The following CNTN4 variants were observed in gnomAD, a reference collection of about 807,000 sequenced individuals.
CNTN4 encodes the protein contactin 4.
A neutral mutation model predicts 122.5 loss-of-function variants in CNTN4; 77 were observed. The observed-to-expected ratio is 0.63, with a 90% confidence interval of 0.52 to 0.76. CNTN4 has a LOEUF of 0.76. Ranked by LOEUF, CNTN4 falls within the 30% of genes least tolerant of loss-of-function variation. The probability of loss-of-function intolerance (pLI) is 0.00; values close to 1 mark genes in which losing one functional copy is unlikely to be tolerated. For missense variants in CNTN4, 1,256 were observed against 1,259.1 expected, an observed-to-expected ratio of 1.00 and a Z score of 0.04; for synonymous variants, 512 against 447.0, an observed-to-expected ratio of 1.15 and a Z score of -1.83.
intron 3 of CNTN4, among the ~76,000 whole-genome samples, chr3:2,550,512 C>T (rs892774909): frequency 6.6e-6 from 1 of 152,078 alleles, no homozygotes; most frequent in Non-Finnish European, 1.5e-5. Flanking sequence ...GGAGTGCAAA[C>T]TAGTTCAACC....
At chr3:2,645,016 G>A (rs1457187745) in intron 4 of CNTN4, among the ~76,000 whole-genome samples, 3 of 151,796 alleles carry the variant, frequency 2.0e-5, no homozygotes, top group Non-Finnish European at 4.4e-5. Context: ...GTGTGGAGGA[G>A]CATTGCTTGA....
At position 2,895,818 on chromosome 3, in the gene CNTN4, A is replaced by G. The variant is rs527346871; in HGVS notation, c.941-4867A>G. On this transcript the variant is annotated intron_variant, in intron 10 of 24. Coordinates refer to ENST00000418658, the MANE Select transcript of CNTN4 (RefSeq NM_175607.3). ...GGGAGGCCGAGGCGGGCGGATCACA[A>G]GGTCAGGAGATCGAGACCATCCTGG... 4.0e-4 allele frequency among the ~76,000 whole-genome samples: 61 copies of G among 152,306 alleles called. 1 individual carries two copies. In the East Asian group the frequency reaches 0.01, roughly 26 times the overall value.
At chr3:2,997,368 C>T (rs1695627794) in intron 14 of CNTN4, among the ~76,000 whole-genome samples, 1 of 152,114 alleles carries the variant, frequency 6.6e-6, no homozygotes, top group African/African-American at 2.4e-5. Context: ...AGAGGTGGTC[C>T]CATGGGGGGA....
chr3:2,199,791 T>G (rs2038012818), intron 2 of CNTN4, among the ~76,000 whole-genome samples: 1 of 152,178 alleles, frequency 6.6e-6, no homozygotes, highest in Admixed American at 6.6e-5. Context: ...AGGAAATGTG[T>G]AAGTTGTTAC....
intron 13 of CNTN4, among the ~76,000 whole-genome samples, chr3:2,976,717 A>G (rs1452649724): frequency 6.6e-6 from 1 of 152,222 alleles, no homozygotes; most frequent in Non-Finnish European, 1.5e-5. Flanking sequence ...TCTATAATTC[A>G]AAATAATTAA....
chr3:2,960,779 G>C (rs1290621066), intron 13 of CNTN4, among the ~76,000 whole-genome samples: 1 of 152,294 alleles, frequency 6.6e-6, no homozygotes, highest in East Asian at 1.9e-4. Context: ...TCCTTTGGTA[G>C]TGCCTTCCCA....
At chr3:3,045,800 G>A (rs1700584434) in intron 23 of CNTN4, among the ~76,000 whole-genome samples, 1 of 152,226 alleles carries the variant, frequency 6.6e-6, no homozygotes. Context: ...TGAGTTGAGA[G>A]AAGAAGGCTT....
chr3:2,207,130 T>C (rs527670507), intron 2 of CNTN4, among the ~76,000 whole-genome samples: 1 of 152,154 alleles, frequency 6.6e-6, no homozygotes, highest in Admixed American at 6.6e-5. Flanking sequence ...TGAACTTAAT[T>C]GATAAGTGTA....
At chr3:2,723,670 G>T (rs185216010) in intron 4 of CNTN4, among the ~76,000 whole-genome samples, 74 of 152,154 alleles carry the variant, frequency 4.9e-4, no homozygotes, top group Non-Finnish European at 8.8e-4. Context: ...CTCTCCTAAG[G>T]GCCTTACCTC....
rs957276277 is a variant in CNTN4, at chr3:2,584,918, T to G, written c.55+13360T>G. ...GTAGGAAGGTAGGTAGGTAGGTAGG[T>G]AGATAGATAGATAGATAGATAGATA... is the stretch of plus-strand genomic sequence containing the variant. On this transcript the variant is annotated intron_variant, in intron 4 of 24. Coordinates refer to ENST00000418658, the MANE Select transcript of CNTN4 (RefSeq NM_175607.3). Among the ~76,000 whole-genome samples, 6 of 144,672 alleles carry G rather than the reference T, an allele frequency of 4.1e-5. No individual in the cohort carries two copies. The East Asian group carries it at 1.0e-3, about 25-fold the overall frequency. 94.9% of individuals were successfully genotyped at this position (144,672 alleles called of 152,430 possible). A position where few individuals can be genotyped will look rare whatever the true frequency, so the allele number is the denominator to read the frequency against.
At chr3:2,630,007 CCT>C (rs2082361351) in intron 4 of CNTN4, among the ~76,000 whole-genome samples, 1 of 152,154 alleles carries the variant, frequency 6.6e-6, no homozygotes, top group Non-Finnish European at 1.5e-5. Context: ...GCCGAATCTG[CCT>C]CTCTACCTGC....
chr3:2,383,604 C>T (rs1301074821), intron 3 of CNTN4, among the ~76,000 whole-genome samples: 1 of 151,936 alleles, frequency 6.6e-6, no homozygotes, highest in Admixed American at 6.6e-5. Flanking sequence ...CTCTCTCTCT[C>T]CTTCTGCTCC....
chr3:2,891,435 A>G (rs954964933), intron 10 of CNTN4, among the ~76,000 whole-genome samples: 9 of 152,130 alleles, frequency 5.9e-5, no homozygotes, highest in African/African-American at 1.9e-4. Context: ...CAACAGAGCA[A>G]GACTCCATCT....
intron 3 of CNTN4, among the ~76,000 whole-genome samples, chr3:2,548,607 A>G (rs146504603): frequency 0.088 from 13,444 of 152,140 alleles, 787 homozygotes; most frequent in Non-Finnish European, 0.14. Flanking sequence ...GTCAGGTAGC[A>G]TGATACCTCC....
intron 2 of CNTN4, among the ~76,000 whole-genome samples, chr3:2,303,833 A>G (rs2042609715): frequency 6.6e-6 from 1 of 152,208 alleles, no homozygotes; most frequent in South Asian, 2.1e-4. Flanking sequence ...AGGTATAATA[A>G]AGCAAGCAAA....
At chr3:2,555,316 G>T (rs373391456) in intron 3 of CNTN4, among the ~76,000 whole-genome samples, 1 of 152,094 alleles carries the variant, frequency 6.6e-6, no homozygotes, top group Non-Finnish European at 1.5e-5. Context: ...AATTTGAGCC[G>T]TTGGCCTTAT....
At chr3:2,983,188 T>C (rs1443216267) in intron 13 of CNTN4, among the ~76,000 whole-genome samples, 3 of 107,902 alleles carry the variant, frequency 2.8e-5, no homozygotes, top group African/African-American at 1.1e-4. Flanking sequence ...CACTCCAGCC[T>C]GGGTGACAGA....
At chr3:2,266,633 A>G (rs1259617468) in intron 2 of CNTN4, among the ~76,000 whole-genome samples, 2 of 152,096 alleles carry the variant, frequency 1.3e-5, no homozygotes, top group East Asian at 3.9e-4. Context: ...CAAATTAATT[A>G]AAAGTCACAT....
At chr3:2,459,962 G>T (rs545711608) in intron 3 of CNTN4, among the ~76,000 whole-genome samples, 1 of 152,170 alleles carries the variant, frequency 6.6e-6, no homozygotes, top group Non-Finnish European at 1.5e-5. Flanking sequence ...CCCAGGCATT[G>T]CTTCATAATC....
Sources: allele counts gnomAD v4.1 joint callset (sites outside exome capture counted in the v4.1 genomes callset), GRCh38; gene constraint gnomAD v4.1.1; transcripts MANE v1.5; gene names NCBI Gene and HGNC (gene_info 2026-07-23, HGNC 2026-07-21).